The following BCL2L13 variants were observed in gnomAD, a reference collection of about 807,000 sequenced individuals.
BCL2L13 encodes BCL2 like 13.
In BCL2L13, 13 loss-of-function variants were observed where a neutral mutation model predicts 25.8. The ratio of observed to expected loss-of-function variants is 0.50; its 90% CI spans 0.33 to 0.80. The LOEUF is 0.80. BCL2L13 is among the 30% of genes least tolerant of loss of function. The pLI is 0.02. For missense variants in BCL2L13, 504 were observed against 574.9 expected, an observed-to-expected ratio of 0.88 and a Z score of 1.26; for synonymous variants, 244 against 230.3, an observed-to-expected ratio of 1.06 and a Z score of -0.54.
intron 1 of BCL2L13, among the ~76,000 whole-genome samples, chr22:17,651,663 G>A (rs1009244247): frequency 2.7e-5 from 4 of 150,940 alleles, no homozygotes; most frequent in South Asian, 2.1e-4. Context: ...GATTACAGGC[G>A]TGAGCCACTG....
rs556971512 is a variant in BCL2L13, at chr22:17,716,045, C to G, written c.601-10632C>G. 2.0e-5 allele frequency among the ~76,000 whole-genome samples: 3 copies of G among 152,212 alleles called. No individual in the cohort carries two copies. In the South Asian group the frequency reaches 6.2e-4, roughly 32 times the overall value. Reference sequence around the variant, plus strand: ...AAAGAAGTTTAAAGCATGTTTTCTCCCTTGAAGCATTTATAATGTCATTGA... The same window carrying G: ...AAAGAAGTTTAAAGCATGTTTTCTCGCTTGAAGCATTTATAATGTCATTGA... On this transcript the variant is annotated intron_variant, in intron 6 of 6. Coordinates refer to ENST00000317582, the MANE Select transcript of BCL2L13 (RefSeq NM_015367.4).
At chr22:17,695,219 A>C (rs1209790858) in intron 4 of BCL2L13, among the ~76,000 whole-genome samples, 1 of 152,164 alleles carries the variant, frequency 6.6e-6, no homozygotes, top group Non-Finnish European at 1.5e-5. Flanking sequence ...GGCTAACCAC[A>C]TGGCCCTGCT....
intron 6 of BCL2L13, among the ~76,000 whole-genome samples, chr22:17,716,180 AAG>A (rs572449526): frequency 3.9e-4 from 59 of 152,298 alleles, no homozygotes; most frequent in Middle Eastern, 3.4e-3. Flanking sequence ...CAGGAGGAAT[AAG>A]AGAGGAAGAT....
chr22:17,671,344 A>T (rs538949847), intron 2 of BCL2L13, among the ~76,000 whole-genome samples: 32 of 148,652 alleles, frequency 2.2e-4, no homozygotes, highest in South Asian at 6.4e-4. Context: ...CAGTGAGCCA[A>T]GATCACGCCA....
At chr22:17,719,673 AC>A (rs970142924) in intron 6 of BCL2L13, among the ~76,000 whole-genome samples, 46 of 152,180 alleles carry the variant, frequency 3.0e-4, no homozygotes, top group African/African-American at 1.0e-3. Context: ...TACTAAAAAT[AC>A]AAAAATTAGC....
At chr22:17,646,068 G>A (rs1189245855) in intron 1 of BCL2L13, among the ~76,000 whole-genome samples, 1 of 151,442 alleles carries the variant, frequency 6.6e-6, no homozygotes, top group Non-Finnish European at 1.5e-5. Flanking sequence ...TAAGGAACTT[G>A]AGCATCTGAG....
Position 17,631,664 on chromosome 22 carries a change from GTGTGTGTATATATATATA to G in BCL2L13, c.-650+2661_-650+2678del, listed in dbSNP as rs1393049675. 3.8e-3 allele frequency among the ~76,000 whole-genome samples: 102 copies of G among 26,890 alleles called. 3 individuals are homozygous for G. Among genetic ancestry groups the G allele is most frequent in the African/African-American group, 0.01 (78 of 7,448 alleles). The allele number at this position is 26,890 out of a possible 152,430, so 17.6% of individuals were successfully genotyped here. ...ATGGTACGTGTGTGTATGTATGTGT[GTGTGTGTATATATATATA>G]TATATATATATATATATATATATAT... On this transcript the variant is annotated intron_variant, in intron 1 of 6. Coordinates refer to the BCL2L13 transcript ENST00000399782.
At chr22:17,704,534 G>A (rs1330074713) in intron 6 of BCL2L13, among the ~76,000 whole-genome samples, 1 of 151,916 alleles carries the variant, frequency 6.6e-6, no homozygotes, top group Non-Finnish European at 1.5e-5. Flanking sequence ...CCAGCACTTT[G>A]GGAGGCCAAG....
chr22:17,708,570 T>C (rs2060654395), intron 6 of BCL2L13, among the ~76,000 whole-genome samples: 1 of 152,228 alleles, frequency 6.6e-6, no homozygotes, highest in Admixed American at 6.5e-5. Flanking sequence ...TGCTATCCAA[T>C]TTGTCATAGC....
intron 2 of BCL2L13, among the ~76,000 whole-genome samples, chr22:17,682,280 C>T (rs534393525): frequency 2.0e-5 from 3 of 152,278 alleles, no homozygotes; most frequent in East Asian, 1.9e-4. Context: ...TCGTTATGCC[C>T]ACAGTGGTGG....
At chr22:17,636,666 G>A (rs759795971), upstream of BCL2L13, among the ~76,000 whole-genome samples, 54 of 151,826 alleles carry the variant, frequency 3.6e-4, no homozygotes, top group Non-Finnish European at 5.7e-4. Context: ...TGTGGTGGTG[G>A]GTGCCTGTAA....
intron 2 of BCL2L13, among the ~76,000 whole-genome samples, chr22:17,664,524 CCTT>C (rs906044800): frequency 5.0e-4 from 76 of 152,300 alleles, no homozygotes; most frequent in Middle Eastern, 3.4e-3. Context: ...CGAACAGTGG[CCTT>C]CTTCTCACAG....
intron 6 of BCL2L13, chr22:17,702,651 AT>A: frequency 3.7e-6 from 1 of 270,786 alleles, no homozygotes; most frequent in South Asian, 1.7e-4. Flanking sequence ...AATTATTATT[AT>A]TATTCAGTTG....
At chr22:17,659,576 G>A (rs1243378456) in intron 2 of BCL2L13, among the ~76,000 whole-genome samples, 1 of 145,420 alleles carries the variant, frequency 6.9e-6, no homozygotes, top group African/African-American at 2.4e-5. Flanking sequence ...CAGGGGAATG[G>A]CGTGAACTCA....
At chr22:17,659,080 AAAAG>A (rs1485179504) in intron 2 of BCL2L13, among the ~76,000 whole-genome samples, 1 of 139,722 alleles carries the variant, frequency 7.2e-6, no homozygotes, top group Non-Finnish European at 1.6e-5. Context: ...AAAAAAAAAA[AAAAG>A]GCCAGGCACG....
chr22:17,717,029 C>A (rs750406823), intron 6 of BCL2L13, among the ~76,000 whole-genome samples: 6 of 152,198 alleles, frequency 3.9e-5, no homozygotes, highest in Admixed American at 1.3e-4. Flanking sequence ...TTCTTCACCC[C>A]CTGTCCTATG....
intron 6 of BCL2L13, among the ~76,000 whole-genome samples, chr22:17,712,079 C>A (rs1220432777): frequency 1.3e-5 from 2 of 151,512 alleles, no homozygotes; most frequent in Non-Finnish European, 2.9e-5. Flanking sequence ...GAAGAGTACA[C>A]TGTTTTAAGC....
At chr22:17,680,920 A>G (rs1027743543) in intron 2 of BCL2L13, among the ~76,000 whole-genome samples, 7 of 152,002 alleles carry the variant, frequency 4.6e-5, no homozygotes, top group African/African-American at 1.7e-4. Context: ...TCTGGTCAGC[A>G]GGTATGGTGC....
intron 6 of BCL2L13, among the ~76,000 whole-genome samples, chr22:17,725,094 TG>T (rs762909222): frequency 3.4e-4 from 52 of 152,350 alleles, no homozygotes; most frequent in Non-Finnish European, 6.9e-4. Context: ...AGGGCTTTAT[TG>T]CTTTCACTCA....
Sources: allele counts gnomAD v4.1 joint callset (sites outside exome capture counted in the v4.1 genomes callset), GRCh38; gene constraint gnomAD v4.1.1; transcripts MANE v1.5; gene names NCBI Gene and HGNC (gene_info 2026-07-23, HGNC 2026-07-21).